Variants in PRR14L observed in about 807,000 individuals in gnomAD.
PRR14L encodes the protein protein PRR14L.
In PRR14L, 80 loss-of-function variants were observed where a neutral mutation model predicts 155.0. The ratio of observed to expected loss-of-function variants is 0.52; its 90% CI spans 0.43 to 0.62. The LOEUF (loss-of-function observed/expected upper bound fraction) is 0.62. Ranked by LOEUF, PRR14L falls within the 20% of genes least tolerant of loss-of-function variation. The probability of loss-of-function intolerance (pLI) is 0.00; values close to 1 mark genes in which losing one functional copy is unlikely to be tolerated. For missense variants in PRR14L, 2,469 were observed against 2,548.0 expected, an observed-to-expected ratio of 0.97 and a Z score of 0.67; for synonymous variants, 883 against 916.0, an observed-to-expected ratio of 0.96 and a Z score of 0.65.
Position 31,714,997 on chromosome 22 carries a change from CAGT to C in PRR14L, c.2839_2841del (p.Thr947del). ...ACATTTTTAAAACTGGAGAACATAA[CAGT>C]AGGAGACTGGTCCAACACTTTTTCA... On this transcript the variant is annotated inframe_deletion, in exon 4 of 9. Coordinates refer to ENST00000327423, the MANE Select transcript of PRR14L (RefSeq NM_173566.3). 2 of 1,552,106 alleles carry C rather than the reference CAGT, an allele frequency of 1.3e-6. No individual in the cohort carries two copies. Among genetic ancestry groups the C allele is most frequent in the South Asian group, 2.4e-5 (2 of 84,066 alleles).
chr22:31,718,021 G>A (rs1441153376), intron 3 of PRR14L, among the ~76,000 whole-genome samples: 1 of 150,416 alleles, frequency 6.6e-6, no homozygotes, highest in Admixed American at 6.7e-5. Flanking sequence ...TCCACTTCCT[G>A]GGTTCAAGCA....
rs1196496724 is a variant in PRR14L at position 31,683,627 on chromosome 22, G to A, written c.*1900C>T. 1 of 152,214 alleles carries A rather than the reference G, an allele frequency of 6.6e-6. No homozygotes were observed. Among genetic ancestry groups the A allele is most frequent in the Non-Finnish European group, 1.5e-5 (1 of 68,082 alleles). 9.4% of individuals were successfully genotyped at this position (152,214 alleles called of 1,614,324 possible). On this transcript the variant is annotated 3_prime_UTR_variant, in exon 9 of 9. Coordinates refer to ENST00000327423, the MANE Select transcript of PRR14L (RefSeq NM_173566.3). ...TCTCTTCTAACTGTATTTGGCCATG[G>A]CCTTGGAAGCCTCCGTGGATGACCA...
chr22:31,685,880 C>CAT, intron 8 of PRR14L, 77 bp from the exon 9 acceptor site: 1 of 1,380,144 alleles, frequency 7.2e-7, no homozygotes, highest in South Asian at 1.4e-5. Context: ...AGGATGTTGA[C>CAT]GCTGGGTCAA....
chr22:31,734,519 G>A (rs935212813), intron 2 of PRR14L, among the ~76,000 whole-genome samples: 5 of 152,184 alleles, frequency 3.3e-5, no homozygotes, highest in Non-Finnish European at 2.9e-5. Context: ...TTTCTGAAAG[G>A]TCTGCAGTGT....
At chr22:31,741,484 A>G (rs1435859962) in intron 1 of PRR14L, among the ~76,000 whole-genome samples, 2 of 151,842 alleles carry the variant, frequency 1.3e-5, no homozygotes, top group African/African-American at 4.8e-5. Flanking sequence ...AGAACAAGCA[A>G]TAAAACAAAA....
chr22:31,710,697 A>G (rs1465618720), intron 4 of PRR14L, among the ~76,000 whole-genome samples: 2 of 151,944 alleles, frequency 1.3e-5, no homozygotes, highest in Non-Finnish European at 2.9e-5. Flanking sequence ...CTCGTGATCC[A>G]CCTGTCTCGG....
In PRR14L at chr22:31,712,660, T is replaced by C. The variant is rs980018546; in HGVS notation, c.5179A>G (p.Ser1727Gly). The C allele has an allele frequency of 1.9e-6, 3 of 1,551,638 alleles. No individual in the cohort carries two copies. Among genetic ancestry groups the C allele is most frequent in the African/African-American group, 2.7e-5 (2 of 73,040 alleles). The change falls in exon 4 of 9, where the codon AGC (serine) becomes GGC (glycine). Residue 1727 changes from serine (S) to glycine (G), a missense_variant. By Grantham distance (56) the Ser-to-Gly change is moderately conservative. Transcript: ENST00000327423. ...GAGGACTCAGTCGTGCAATCTGAGC[T>C]GGATGATTTCACATGAAAGGATACT... ...FPVSFHVKSS[S>G]SDCTTESSRT... is the part of the protein sequence containing the mutation.
At chr22:31,741,803 C>T (rs1403798113) in intron 1 of PRR14L, among the ~76,000 whole-genome samples, 2 of 152,090 alleles carry the variant, frequency 1.3e-5, no homozygotes, top group South Asian at 2.1e-4. Flanking sequence ...ACCTGGGAGG[C>T]GGAGGTTGCA....
At chr22:31,692,483 A>G (rs1345136623) in intron 7 of PRR14L, among the ~76,000 whole-genome samples, 1 of 152,160 alleles carries the variant, frequency 6.6e-6, no homozygotes, top group Non-Finnish European at 1.5e-5. Flanking sequence ...AGAAATGTCT[A>G]TTGAAACACT....
At chr22:31,726,199 C>T (rs1201811792) in intron 2 of PRR14L, among the ~76,000 whole-genome samples, 1 of 151,674 alleles carries the variant, frequency 6.6e-6, no homozygotes, top group Non-Finnish European at 1.5e-5. Flanking sequence ...TGCGCGCTGT[C>T]AGCTCACTGC....
chr22:31,746,076 C>CG (rs980987797), intron 1 of PRR14L, among the ~76,000 whole-genome samples: 9 of 151,754 alleles, frequency 5.9e-5, no homozygotes, highest in African/African-American at 2.2e-4. Flanking sequence ...ACTACAGGCG[C>CG]GAGGCAGTGA....
intron 7 of PRR14L, among the ~76,000 whole-genome samples, chr22:31,689,758 T>C (rs1349712144): frequency 6.6e-6 from 1 of 152,026 alleles, no homozygotes. Context: ...TATTTATTTA[T>C]TTTTTGAGAC....
intron 6 of PRR14L, 84 bp downstream of exon 6, chr22:31,703,466 G>T: frequency 7.5e-7 from 1 of 1,325,796 alleles, no homozygotes. Flanking sequence ...TCAGAAGCCA[G>T]TCTGTAGCTA....
intron 7 of PRR14L, among the ~76,000 whole-genome samples, chr22:31,700,963 C>T (rs981889632): frequency 2.0e-5 from 3 of 151,280 alleles, no homozygotes; most frequent in Non-Finnish European, 2.9e-5. Context: ...GAAGCAAAAT[C>T]GATCAGAAGA....
In PRR14L at chr22:31,712,888, A is replaced by G. The variant is rs1191295100; in HGVS notation, c.4951T>C (p.Tyr1651His). 1 of 1,551,866 alleles carries G rather than the reference A, an allele frequency of 6.4e-7. No individual in the cohort carries two copies. Among genetic ancestry groups the G allele is most frequent in the East Asian group, 2.4e-5 (1 of 40,924 alleles). Residue 1651 changes from tyrosine (Y) to histidine (H), a missense_variant, in exon 4 of 9, where the codon TAC (tyrosine) becomes CAC (histidine). By Grantham distance (83) the Tyr-to-His change is moderately conservative (BLOSUM62 2). Around this residue, in one of 2 missense-constraint regions of PRR14L, gnomAD observed 2,363 missense variants for 2,371.6 expected, o/e 1.00. Coordinates refer to ENST00000327423, the MANE Select transcript of PRR14L (RefSeq NM_173566.3). ...AGTCTTTTATATCTGAGGCGCTTGTAGCTTTTAGCCATTGGAAGAAGTTCA... is the reference window on the plus strand; with the variant it reads ...AGTCTTTTATATCTGAGGCGCTTGTGGCTTTTAGCCATTGGAAGAAGTTCA... ...SSELLPMAKS[Y>H]KRLRYKRLLD... is the part of the protein sequence containing the mutation.
chr22:31,724,673 C>T (rs1002160107), intron 3 of PRR14L, among the ~76,000 whole-genome samples: 5 of 152,198 alleles, frequency 3.3e-5, no homozygotes, highest in Non-Finnish European at 7.3e-5. Flanking sequence ...GCTGGGATTA[C>T]AGACGTGAGC....
intron 3 of PRR14L, among the ~76,000 whole-genome samples, chr22:31,718,445 AGACAGG>A (rs1487342990): frequency 6.6e-6 from 1 of 151,776 alleles, no homozygotes; most frequent in Non-Finnish European, 1.5e-5. Flanking sequence ...TTTTTAGTAC[AGACAGG>A]GTTTCACCAT....
intron 3 of PRR14L, among the ~76,000 whole-genome samples, chr22:31,717,863 A>G (rs131225): frequency 0.31 from 46,577 of 151,602 alleles, 8,548 homozygotes; most frequent in African/African-American, 0.52. Flanking sequence ...CAGCTCAAGC[A>G]ATTTTCCCGC....
intron 3 of PRR14L, among the ~76,000 whole-genome samples, chr22:31,718,990 C>A (rs2074675699): frequency 6.6e-6 from 1 of 151,468 alleles, no homozygotes; most frequent in Non-Finnish European, 1.5e-5. Flanking sequence ...AGGGGAATCG[C>A]TTGAATCCAG....
Sources: allele counts gnomAD v4.1 joint callset (sites outside exome capture counted in the v4.1 genomes callset), GRCh38; gene constraint gnomAD v4.1.1; regional missense constraint gnomAD v4.1.1; transcripts MANE v1.5; gene names NCBI Gene and HGNC (gene_info 2026-07-23, HGNC 2026-07-21).